Variants in TMEM132D observed in about 807,000 individuals in gnomAD.
The protein encoded by TMEM132D is mature OL transmembrane protein.
TMEM132D carries 21 observed loss-of-function variants against 62.3 expected under a neutral mutation model. The ratio of observed to expected loss-of-function variants is 0.34; its 90% CI spans 0.24 to 0.49. The LOEUF (loss-of-function observed/expected upper bound fraction) is 0.49, where lower values mean the gene tolerates loss of function less well. TMEM132D is among the 20% of genes least tolerant of loss of function. TMEM132D has a pLI of 0.99. For synonymous variants in TMEM132D, 621 were observed against 575.6 expected, an observed-to-expected ratio of 1.08 and a Z score of -1.13; for missense variants, 1,346 against 1,402.8, an observed-to-expected ratio of 0.96 and a Z score of 0.65.
intron 1 of TMEM132D, among the ~76,000 whole-genome samples, chr12:129,860,535 T>G (rs1873859640): frequency 6.6e-6 from 1 of 152,252 alleles, no homozygotes; most frequent in South Asian, 2.1e-4. Flanking sequence ...AGCGTTCTTT[T>G]TCCCTGTGTA....
intron 5 of TMEM132D, among the ~76,000 whole-genome samples, chr12:129,185,709 G>C (rs1878199116): frequency 1.3e-5 from 2 of 151,282 alleles, no homozygotes; most frequent in African/African-American, 4.9e-5. Context: ...CTATCTGTCT[G>C]TCTGTCTCTA....
chr12:129,223,165 A>G (rs1311003711), intron 4 of TMEM132D, among the ~76,000 whole-genome samples: 1 of 152,028 alleles, frequency 6.6e-6, no homozygotes, highest in Non-Finnish European at 1.5e-5. Context: ...TCTCCCCTTC[A>G]ACACAGGCCG....
intron 1 of TMEM132D, among the ~76,000 whole-genome samples, chr12:129,899,932 C>A (rs1875297204): frequency 6.6e-6 from 1 of 152,132 alleles, no homozygotes; most frequent in Non-Finnish European, 1.5e-5. Flanking sequence ...AGTTCCTGAC[C>A]CCTAAAGAAG....
intron 4 of TMEM132D, among the ~76,000 whole-genome samples, chr12:129,251,257 G>T (rs969368980): frequency 2.2e-4 from 34 of 151,328 alleles, no homozygotes; most frequent in African/African-American, 8.0e-4. Context: ...TACTCGGGAG[G>T]CTGAGGCAGG....
intron 4 of TMEM132D, among the ~76,000 whole-genome samples, chr12:129,317,185 TTTGG>T (rs1868517182): frequency 1.3e-5 from 2 of 152,198 alleles, no homozygotes; most frequent in African/African-American, 4.8e-5. Flanking sequence ...GCCTGTGTAC[TTTGG>T]TTTTTTGTTG....
At chr12:129,456,054 G>C (rs924228205) in intron 3 of TMEM132D, among the ~76,000 whole-genome samples, 2 of 152,202 alleles carry the variant, frequency 1.3e-5, no homozygotes, top group Admixed American at 6.5e-5. Context: ...ACAGAACCAT[G>C]TGACCGGGTG....
At chr12:129,195,548 T>C (rs1878523886) in intron 5 of TMEM132D, among the ~76,000 whole-genome samples, 1 of 152,084 alleles carries the variant, frequency 6.6e-6, no homozygotes, top group African/African-American at 2.4e-5. Flanking sequence ...GAGAAGCTCA[T>C]AGGAAATTCA....
intron 4 of TMEM132D, among the ~76,000 whole-genome samples, chr12:129,223,511 G>A (rs1216170402): frequency 1.3e-5 from 2 of 152,140 alleles, no homozygotes; most frequent in African/African-American, 2.4e-5. Context: ...CTCAACAGGA[G>A]ACCCTGAGCA....
intron 5 of TMEM132D, among the ~76,000 whole-genome samples, chr12:129,133,494 G>A (rs1876440454): frequency 6.6e-6 from 1 of 152,228 alleles, no homozygotes; most frequent in Non-Finnish European, 1.5e-5. Flanking sequence ...TTGATCTGAA[G>A]CCTCCCTTCC....
intron 6 of TMEM132D, 70 bp from the exon 7 acceptor site, chr12:129,082,102 C>T (rs2135617107): frequency 6.6e-7 from 1 of 1,522,200 alleles, no homozygotes; most frequent in African/African-American, 1.4e-5. Context: ...TGTGTGGAGC[C>T]TGGTGGGGGC....
At chr12:129,501,567 T>C (rs1253606437) in intron 3 of TMEM132D, among the ~76,000 whole-genome samples, 1 of 152,074 alleles carries the variant, frequency 6.6e-6, no homozygotes, top group East Asian at 1.9e-4. Context: ...GTGCAGGGTG[T>C]GACCACGGCT....
intron 5 of TMEM132D, among the ~76,000 whole-genome samples, chr12:129,101,218 A>G (rs1875296993): frequency 6.6e-6 from 1 of 152,216 alleles, no homozygotes; most frequent in South Asian, 2.1e-4. Flanking sequence ...CCCATGGCCC[A>G]TTGGTTCATC....
At chr12:129,883,224 T>G (rs563761053) in intron 1 of TMEM132D, among the ~76,000 whole-genome samples, 10 of 152,334 alleles carry the variant, frequency 6.6e-5, no homozygotes, top group African/African-American at 2.4e-4. Flanking sequence ...ATTGCATATC[T>G]ATAAAATTGC....
rs1281134790 is a variant in TMEM132D, at chr12:129,316,424, G to T, written c.1299+21210C>A. Among the ~76,000 whole-genome samples the T allele has an allele frequency of 2.6e-5, 4 of 152,130 alleles. No individual in the cohort carries two copies. The East Asian group carries it at 7.7e-4, about 29-fold the overall frequency. ...TGACCCAATGCTCATTCAGGAGCAGGTTATTTGATTTCCATGTATTTGCCT... is the reference window on the plus strand; with the variant it reads ...TGACCCAATGCTCATTCAGGAGCAGTTTATTTGATTTCCATGTATTTGCCT... On this transcript the variant is annotated intron_variant, in intron 4 of 8. Transcript: ENST00000422113.
At chr12:129,650,599 C>T (rs780320944) in intron 2 of TMEM132D, among the ~76,000 whole-genome samples, 1 of 152,168 alleles carries the variant, frequency 6.6e-6, no homozygotes, top group Admixed American at 6.5e-5. Flanking sequence ...CTGGCTGCTT[C>T]GTTTCATCAC....
At chr12:129,599,781 TACA>T (rs377058902) in intron 2 of TMEM132D, among the ~76,000 whole-genome samples, 23 of 152,326 alleles carry the variant, frequency 1.5e-4, no homozygotes, top group Middle Eastern at 3.4e-3. Flanking sequence ...CTAGCAAATG[TACA>T]ACAACATTAT....
intron 3 of TMEM132D, among the ~76,000 whole-genome samples, chr12:129,510,315 A>AT (rs1454240820): frequency 2.6e-5 from 4 of 151,846 alleles, no homozygotes; most frequent in South Asian, 4.2e-4. Context: ...AGATTATTAG[A>AT]TTTTTTCCCT....
intron 3 of TMEM132D, among the ~76,000 whole-genome samples, chr12:129,383,944 T>C (rs572999953): frequency 2.6e-5 from 4 of 152,276 alleles, no homozygotes; most frequent in Admixed American, 2.0e-4. Context: ...GAACACTGGG[T>C]TAGACAACAC....
rs1271373215 is a variant in TMEM132D at position 129,714,812 on chromosome 12, T to C, written c.80-14114A>G. 2.6e-5 allele frequency among the ~76,000 whole-genome samples: 4 copies of C among 152,160 alleles called. No individual in the cohort carries two copies. In the East Asian group the frequency reaches 7.7e-4, roughly 29 times the overall value. On this transcript the variant is annotated intron_variant, in intron 1 of 8. Coordinates refer to ENST00000422113, the MANE Select transcript of TMEM132D (RefSeq NM_133448.3). ...AATAACTCAGAGTTCTGTCTCACGG[T>C]CGGAAGCCCACAGGCCTGCCCTTGG...
Sources: allele counts gnomAD v4.1 joint callset (sites outside exome capture counted in the v4.1 genomes callset), GRCh38; gene constraint gnomAD v4.1.1; transcripts MANE v1.5; gene names NCBI Gene and HGNC (gene_info 2026-07-23, HGNC 2026-07-21).